CLVS1: variants seen among roughly 807,000 people sequenced by gnomAD.
CLVS1 encodes the protein clavesin-1.
In CLVS1, 10 loss-of-function variants were observed where a neutral mutation model predicts 33.1. The observed-to-expected ratio is 0.30, with a 90% confidence interval of 0.19 to 0.51. The LOEUF is 0.51. Ranked by LOEUF, CLVS1 falls within the 20% of genes least tolerant of loss-of-function variation. The pLI is 0.97. For missense variants in CLVS1, 343 were observed against 433.4 expected (o/e 0.79, Z 1.85); for synonymous variants, 163 against 166.1 (o/e 0.98, Z 0.14).
At chr8:61,005,938 T>G in the CLVS1 span, among the ~76,000 whole-genome samples, 1 of 152,200 alleles carries the variant, frequency 6.6e-6, no homozygotes, top group African/African-American at 2.4e-5. Context: ...TGCTGCCTCA[T>G]TCTTTGCAGA....
At chr8:61,112,059 A>T (rs1364710970) in intron 1 of CLVS1, among the ~76,000 whole-genome samples, 1 of 152,200 alleles carries the variant, frequency 6.6e-6, no homozygotes, top group South Asian at 2.1e-4. Context: ...ATAGTTAACT[A>T]AAGTTGTGAA....
chr8:61,128,629 C>T (rs1033627515), intron 1 of CLVS1, among the ~76,000 whole-genome samples: 2 of 152,232 alleles, frequency 1.3e-5, no homozygotes, highest in African/African-American at 4.8e-5. Flanking sequence ...CTCTTTCATC[C>T]TACCCTGGTG....
intron 3 of CLVS1, among the ~76,000 whole-genome samples, chr8:61,441,280 C>T (rs544334391): frequency 6.6e-6 from 1 of 152,164 alleles, no homozygotes; most frequent in South Asian, 2.1e-4. Flanking sequence ...TGAAGGACTC[C>T]TCCGCCCAAG....
chr8:61,256,394 T>C (rs1177698709), intron 2 of CLVS1, among the ~76,000 whole-genome samples: 1 of 152,130 alleles, frequency 6.6e-6, no homozygotes, highest in African/African-American at 2.4e-5. Context: ...ACACCTGTAG[T>C]CCCAGCTACT....
intron 3 of CLVS1, among the ~76,000 whole-genome samples, chr8:61,413,965 C>A (rs1815332422): frequency 6.6e-6 from 1 of 152,218 alleles, no homozygotes; most frequent in South Asian, 2.1e-4. Context: ...GGGCACTGAA[C>A]TTACAGGGAA....
chr8:61,166,815 A>C (rs1457855996), intron 2 of CLVS1, among the ~76,000 whole-genome samples: 1 of 151,772 alleles, frequency 6.6e-6, no homozygotes, highest in Non-Finnish European at 1.5e-5. Flanking sequence ...TAGCTTAAGA[A>C]ATTTAAAAAG....
the CLVS1 span, among the ~76,000 whole-genome samples, chr8:60,985,209 C>T: frequency 6.6e-6 from 1 of 152,200 alleles, no homozygotes; most frequent in Non-Finnish European, 1.5e-5. Flanking sequence ...TTAAAAGGTT[C>T]GACTCAGAGA....
the CLVS1 span, among the ~76,000 whole-genome samples, chr8:61,026,100 T>A: frequency 6.8e-6 from 1 of 147,918 alleles, no homozygotes; most frequent in African/African-American, 2.5e-5. Flanking sequence ...TGAGACTGTG[T>A]TTGGAGACAG....
At chr8:61,325,817 C>G (rs1811362969) in intron 2 of CLVS1, among the ~76,000 whole-genome samples, 1 of 152,272 alleles carries the variant, frequency 6.6e-6, no homozygotes, top group Non-Finnish European at 1.5e-5. Context: ...CCAACAAGTC[C>G]TGGCCTTATA....
At chr8:61,079,426 A>T (rs1392864761) in intron 1 of CLVS1, among the ~76,000 whole-genome samples, 3 of 152,186 alleles carry the variant, frequency 2.0e-5, no homozygotes, top group African/African-American at 7.2e-5. Flanking sequence ...TTTGGAAGTT[A>T]TTGATATTTC....
intron 2 of CLVS1, among the ~76,000 whole-genome samples, chr8:61,272,356 G>A (rs1424671430): frequency 6.6e-6 from 1 of 152,216 alleles, no homozygotes; most frequent in Non-Finnish European, 1.5e-5. Context: ...TTTCTGCTGA[G>A]AGATCCGCTG....
chr8:61,151,030 ATGTT>A (rs1235621209), intron 2 of CLVS1, among the ~76,000 whole-genome samples: 2 of 152,328 alleles, frequency 1.3e-5, no homozygotes, highest in African/African-American at 4.8e-5. Context: ...CCCCCAGACT[ATGTT>A]TGAGCAGTTT....
At chr8:61,040,086 C>T in the CLVS1 span, among the ~76,000 whole-genome samples, 1 of 152,176 alleles carries the variant, frequency 6.6e-6, no homozygotes, top group South Asian at 2.1e-4. Flanking sequence ...TAAGTGAGAA[C>T]ATGCAGTACT....
upstream of CLVS1, among the ~76,000 whole-genome samples, chr8:61,054,630 G>A (rs964464651): frequency 3.9e-5 from 6 of 152,022 alleles, no homozygotes; most frequent in African/African-American, 1.2e-4. Context: ...GCTGGCTTTT[G>A]GCTTTAGAAA....
At chr8:61,097,030 A>T (rs1222822709) in intron 1 of CLVS1, among the ~76,000 whole-genome samples, 1 of 152,144 alleles carries the variant, frequency 6.6e-6, no homozygotes, top group Non-Finnish European at 1.5e-5. Context: ...CAAAAAGAGC[A>T]CTTTACACAG....
intron 2 of CLVS1, among the ~76,000 whole-genome samples, chr8:61,172,750 G>A (rs1467825622): frequency 2.0e-5 from 3 of 150,972 alleles, no homozygotes; most frequent in Non-Finnish European, 4.4e-5. Flanking sequence ...CCTAACTAGT[G>A]AGCAGTCTCC....
At chr8:61,067,438 TATATATTATTAGTTG>T (rs1804703346) in intron 1 of CLVS1, among the ~76,000 whole-genome samples, 1 of 148,704 alleles carries the variant, frequency 6.7e-6, no homozygotes, top group Non-Finnish European at 1.5e-5. Flanking sequence ...AAGGATATAT[TATATATTATTAGTTG>T]ATATATTATT....
intron 2 of CLVS1, among the ~76,000 whole-genome samples, chr8:61,331,464 T>TTAG: frequency 6.6e-6 from 1 of 151,000 alleles, no homozygotes; most frequent in East Asian, 1.9e-4. Flanking sequence ...CTGGGCTTTA[T>TTAG]TATTATTATT....
intron 1 of CLVS1, among the ~76,000 whole-genome samples, chr8:61,096,848 C>G (rs566874127): frequency 2.0e-5 from 3 of 152,218 alleles, no homozygotes; most frequent in South Asian, 2.1e-4. Context: ...TGATTCCTAC[C>G]CCTCACCCCA....
Sources: allele counts gnomAD v4.1 joint callset (sites outside exome capture counted in the v4.1 genomes callset), GRCh38; gene constraint gnomAD v4.1.1; transcripts MANE v1.5; gene names NCBI Gene and HGNC (gene_info 2026-07-23, HGNC 2026-07-21).